ZNF385B: variants seen among roughly 807,000 people sequenced by gnomAD.
ZNF385B encodes zinc finger protein 533.
A neutral mutation model predicts 39.2 loss-of-function variants in ZNF385B; 23 were observed. The observed-to-expected ratio is 0.59, with a 90% CI of 0.42 to 0.83. The LOEUF (loss-of-function observed/expected upper bound fraction) is 0.83, where lower values mean the gene tolerates loss of function less well. Among genes scored for constraint, ZNF385B ranks in the 40% least tolerant of loss-of-function variants. The pLI, the probability that ZNF385B is intolerant of heterozygous loss-of-function variation, is 0.00. For synonymous variants in ZNF385B, 205 were observed against 222.6 expected (o/e 0.92, Z 0.70); for missense variants, 552 against 598.9 (o/e 0.92, Z 0.82).
chr2:179,693,304 T>C (rs1038473376), intron 3 of ZNF385B, among the ~76,000 whole-genome samples: 1 of 152,190 alleles, frequency 6.6e-6, no homozygotes, highest in African/African-American at 2.4e-5. Flanking sequence ...TGAGTTATAC[T>C]CTTTTAGTTA....
intron 3 of ZNF385B, among the ~76,000 whole-genome samples, chr2:179,557,845 T>C (rs1255662297): frequency 6.6e-6 from 1 of 152,086 alleles, no homozygotes; most frequent in Non-Finnish European, 1.5e-5. Flanking sequence ...TAGTACCTGA[T>C]AGGTTTTCAA....
intron 5 of ZNF385B, among the ~76,000 whole-genome samples, chr2:179,494,520 T>C (rs2055943947): frequency 6.6e-6 from 1 of 152,208 alleles, no homozygotes; most frequent in South Asian, 2.1e-4. Flanking sequence ...TTCACATATC[T>C]GCAATTTTTG....
chr2:179,744,430 C>T (rs1187769486), intron 3 of ZNF385B, among the ~76,000 whole-genome samples: 3 of 151,712 alleles, frequency 2.0e-5, no homozygotes, highest in Non-Finnish European at 4.4e-5. Context: ...AGCTGCTAAA[C>T]GAGAAACCAT....
chr2:179,696,238 A>G (rs1698728743), intron 3 of ZNF385B, among the ~76,000 whole-genome samples: 1 of 151,284 alleles, frequency 6.6e-6, no homozygotes, highest in South Asian at 2.1e-4. Flanking sequence ...ACTAAAAAAC[A>G]CAAAATTGTA....
intron 3 of ZNF385B, among the ~76,000 whole-genome samples, chr2:179,713,685 G>C (rs1322565781): frequency 6.6e-6 from 1 of 152,134 alleles, no homozygotes; most frequent in Non-Finnish European, 1.5e-5. Context: ...CCTAACATAA[G>C]GCTTGGCACA....
At chr2:179,515,416 T>C (rs904851224) in intron 5 of ZNF385B, among the ~76,000 whole-genome samples, 1 of 152,236 alleles carries the variant, frequency 6.6e-6, no homozygotes, top group Non-Finnish European at 1.5e-5. Flanking sequence ...TCTGGCCTTA[T>C]GGCACTGAGA....
intron 3 of ZNF385B, among the ~76,000 whole-genome samples, chr2:179,660,826 C>G (rs1694382161): frequency 6.6e-6 from 1 of 152,116 alleles, no homozygotes; most frequent in Non-Finnish European, 1.5e-5. Flanking sequence ...CAAGCCAGCA[C>G]TAAAGCCAAT....
chr2:179,694,740 G>C (rs1698592559), intron 3 of ZNF385B, among the ~76,000 whole-genome samples: 1 of 152,092 alleles, frequency 6.6e-6, no homozygotes, highest in Non-Finnish European at 1.5e-5. Context: ...GACCAGCCTG[G>C]CCAACATGGC....
At chr2:179,632,518 A>C (rs1177905911) in intron 3 of ZNF385B, among the ~76,000 whole-genome samples, 1 of 152,204 alleles carries the variant, frequency 6.6e-6, no homozygotes, top group Non-Finnish European at 1.5e-5. Flanking sequence ...ACAAAGACAC[A>C]ACATACCAGA....
chr2:179,555,460 A>G (rs2060845531), intron 3 of ZNF385B, among the ~76,000 whole-genome samples: 1 of 149,342 alleles, frequency 6.7e-6, no homozygotes, highest in Non-Finnish European at 1.5e-5. Context: ...ATTCAACTGC[A>G]CACTTATGTG....
intron 1 of ZNF385B, among the ~76,000 whole-genome samples, chr2:179,792,922 G>C (rs1705434768): frequency 6.6e-6 from 1 of 152,142 alleles, no homozygotes. Flanking sequence ...TTAAAATATA[G>C]ATACCTGCAG....
At chr2:179,636,614 C>T (rs918216124) in intron 3 of ZNF385B, among the ~76,000 whole-genome samples, 1 of 152,146 alleles carries the variant, frequency 6.6e-6, no homozygotes, top group African/African-American at 2.4e-5. Flanking sequence ...TTGGAAGAAC[C>T]CATACAAGTG....
intron 3 of ZNF385B, among the ~76,000 whole-genome samples, chr2:179,684,159 C>A (rs1011301284): frequency 2.6e-5 from 4 of 152,128 alleles, no homozygotes; most frequent in African/African-American, 9.7e-5. Context: ...CAGGAGCCTC[C>A]GTTAGCATAT....
chr2:179,689,553 A>G (rs983591696), intron 3 of ZNF385B, among the ~76,000 whole-genome samples: 1 of 152,086 alleles, frequency 6.6e-6, no homozygotes, highest in African/African-American at 2.4e-5. Flanking sequence ...GTGTAGGAGA[A>G]AGGAAGGTAA....
At chr2:179,728,661 C>T (rs1302490622) in intron 3 of ZNF385B, among the ~76,000 whole-genome samples, 1 of 152,086 alleles carries the variant, frequency 6.6e-6, no homozygotes, top group Non-Finnish European at 1.5e-5. Context: ...CAGTATATTG[C>T]ACTTTCTTCC....
intron 5 of ZNF385B, among the ~76,000 whole-genome samples, chr2:179,515,798 A>T (rs1008199070): frequency 3.3e-5 from 5 of 152,008 alleles, no homozygotes; most frequent in South Asian, 2.1e-4. Context: ...ATATAGTAAA[A>T]TTTTTTTCAG....
chr2:179,468,581 TG>T (rs1451721298), intron 6 of ZNF385B, among the ~76,000 whole-genome samples: 1 of 152,138 alleles, frequency 6.6e-6, no homozygotes, highest in East Asian at 1.9e-4. Context: ...TTCTTTGAAA[TG>T]AATGGCTCTT....
intron 5 of ZNF385B, among the ~76,000 whole-genome samples, chr2:179,511,507 GA>G (rs1331780117): frequency 6.6e-6 from 1 of 152,182 alleles, no homozygotes; most frequent in African/African-American, 2.4e-5. Context: ...CTGCTGAGAT[GA>G]CAGACACAAA....
intron 3 of ZNF385B, among the ~76,000 whole-genome samples, chr2:179,767,811 A>G (rs1450641359): frequency 6.6e-6 from 1 of 151,802 alleles, no homozygotes; most frequent in East Asian, 1.9e-4. Context: ...TGACTATGGT[A>G]TTTATAGACA....
Sources: gnomAD v4.1 joint callset for allele counts (sites outside exome capture counted in the v4.1 genomes callset) on GRCh38, gnomAD v4.1.1 for gene constraint, MANE v1.5 for transcripts, NCBI Gene and HGNC (gene_info 2026-07-23, HGNC 2026-07-21) for gene names.